HDAC9: variants seen among roughly 807,000 people sequenced by gnomAD.
HDAC9 encodes the protein histone deacetylase 9.
Under a neutral mutation model 139.4 loss-of-function variants are expected in HDAC9, and 41 were observed. The ratio of observed to expected loss-of-function variants is 0.29; its 90% confidence interval spans 0.23 to 0.38. The LOEUF (loss-of-function observed/expected upper bound fraction) is 0.38. Ranked by LOEUF, HDAC9 falls within the 10% of genes least tolerant of loss-of-function variation. HDAC9 has a pLI of 1.00. For missense variants in HDAC9, 1,147 were observed against 1,297.0 expected, an observed-to-expected ratio of 0.88 and a Z score of 1.78; for synonymous variants, 517 against 476.2, an observed-to-expected ratio of 1.09 and a Z score of -1.12.
chr7:18,507,407 A>G (rs1203198134), intron 2 of HDAC9, among the ~76,000 whole-genome samples: 1 of 151,344 alleles, frequency 6.6e-6, no homozygotes, highest in African/African-American at 2.4e-5. Flanking sequence ...GTTAGACAGG[A>G]TGGTCTAGAT....
At chr7:18,560,646 A>T (rs920941890) in intron 2 of HDAC9, among the ~76,000 whole-genome samples, 1 of 152,152 alleles carries the variant, frequency 6.6e-6, no homozygotes, top group African/African-American at 2.4e-5. Flanking sequence ...CAGCACAGTG[A>T]TTGGCACCTA....
At chr7:18,780,038 C>A (rs899570631) in intron 16 of HDAC9, among the ~76,000 whole-genome samples, 2 of 151,998 alleles carry the variant, frequency 1.3e-5, no homozygotes, top group African/African-American at 4.8e-5. Context: ...TTTTTCAACT[C>A]TAAAGTGCAG....
intron 22 of HDAC9, among the ~76,000 whole-genome samples, chr7:18,916,317 A>T (rs759588658): frequency 9.9e-5 from 15 of 152,052 alleles, no homozygotes; most frequent in Non-Finnish European, 1.9e-4. Flanking sequence ...CTAATGTAGA[A>T]TCATAAATGC....
At chr7:18,374,387 A>T (rs1031189797) in intron 1 of HDAC9, among the ~76,000 whole-genome samples, 1 of 152,026 alleles carries the variant, frequency 6.6e-6, no homozygotes, top group Non-Finnish European at 1.5e-5. Flanking sequence ...TTGTGTGAAC[A>T]TCTTAGAGAG....
At chr7:18,142,831 GCCT>G (rs996799519) in intron 1 of HDAC9, among the ~76,000 whole-genome samples, 3 of 152,126 alleles carry the variant, frequency 2.0e-5, no homozygotes, top group African/African-American at 7.2e-5. Flanking sequence ...CACAACTTCT[GCCT>G]CCTCCTCTCC....
chr7:18,828,459 G>C (rs1188476658), intron 17 of HDAC9, among the ~76,000 whole-genome samples: 1 of 152,124 alleles, frequency 6.6e-6, no homozygotes, highest in Non-Finnish European at 1.5e-5. Flanking sequence ...GGAGGTTAAG[G>C]CATTTCTTGA....
At chr7:18,183,371 A>G (rs138806423) in intron 2 of HDAC9, among the ~76,000 whole-genome samples, 38 of 152,264 alleles carry the variant, frequency 2.5e-4, no homozygotes, top group Non-Finnish European at 5.0e-4. Context: ...CAATCCCTCA[A>G]TCGTGAATTT....
At chr7:18,168,262 G>T (rs1472199279) in intron 2 of HDAC9, among the ~76,000 whole-genome samples, 1 of 152,132 alleles carries the variant, frequency 6.6e-6, no homozygotes, top group Non-Finnish European at 1.5e-5. Flanking sequence ...TCTTATGTTT[G>T]TTCTTTATTG....
intron 19 of HDAC9, among the ~76,000 whole-genome samples, chr7:18,833,945 A>C (rs1469521293): frequency 6.6e-6 from 1 of 152,166 alleles, no homozygotes; most frequent in East Asian, 1.9e-4. Context: ...CTGACAACCC[A>C]CCTCACAGGT....
intron 2 of HDAC9, among the ~76,000 whole-genome samples, chr7:18,266,250 A>G (rs1481181627): frequency 1.3e-5 from 2 of 152,164 alleles, no homozygotes; most frequent in Non-Finnish European, 2.9e-5. Context: ...CCAACGCACA[A>G]TTTCAAAAAT....
chr7:18,124,515 A>G (rs1784539174), intron 1 of HDAC9, among the ~76,000 whole-genome samples: 2 of 152,176 alleles, frequency 1.3e-5, no homozygotes. Flanking sequence ...GAACCTTCCA[A>G]AGTTCTTCCC....
intron 2 of HDAC9, among the ~76,000 whole-genome samples, chr7:18,205,898 T>C (rs1791475248): frequency 6.6e-6 from 1 of 152,144 alleles, no homozygotes; most frequent in Non-Finnish European, 1.5e-5. Context: ...TCGGAGCCCA[T>C]ACTTTTTTAT....
At chr7:18,507,193 A>T (rs2128174315) in intron 2 of HDAC9, among the ~76,000 whole-genome samples, 1 of 148,560 alleles carries the variant, frequency 6.7e-6, no homozygotes, top group East Asian at 2.0e-4. Context: ...TATTATTATT[A>T]TTATTATTAC....
At chr7:18,906,784 A>C (rs895101657) in intron 22 of HDAC9, among the ~76,000 whole-genome samples, 1 of 152,190 alleles carries the variant, frequency 6.6e-6, no homozygotes. Context: ...AGAGATTACA[A>C]TCCACCTGTT....
At chr7:18,789,595 C>T (rs1792128607) in intron 16 of HDAC9, among the ~76,000 whole-genome samples, 1 of 152,094 alleles carries the variant, frequency 6.6e-6, no homozygotes, top group South Asian at 2.1e-4. Context: ...ATTTCCAGAG[C>T]CAACTTTATG....
At chr7:18,811,217 C>T (rs1386224572) in intron 17 of HDAC9, among the ~76,000 whole-genome samples, 4 of 151,236 alleles carry the variant, frequency 2.6e-5, no homozygotes, top group South Asian at 4.2e-4. Context: ...TGTTAATATT[C>T]GTTACTTTTT....
chr7:18,640,313 G>A (rs1304489504), intron 8 of HDAC9, among the ~76,000 whole-genome samples: 4 of 123,816 alleles, frequency 3.2e-5, no homozygotes, highest in South Asian at 5.2e-4. Flanking sequence ...GGCCTTGATC[G>A]CACCACTGCA....
chr7:18,171,806 G>T (rs917873307), intron 2 of HDAC9, among the ~76,000 whole-genome samples: 1 of 152,112 alleles, frequency 6.6e-6, no homozygotes, highest in Non-Finnish European at 1.5e-5. Context: ...CAACTTGTTC[G>T]TGGTGGATAA....
intron 12 of HDAC9, among the ~76,000 whole-genome samples, chr7:18,708,642 A>G (rs1370924563): frequency 6.6e-6 from 1 of 152,198 alleles, no homozygotes; most frequent in Non-Finnish European, 1.5e-5. Context: ...TACAAGTCCC[A>G]GTATTGGGAG....
Sources: allele counts gnomAD v4.1 joint callset (sites outside exome capture counted in the v4.1 genomes callset), GRCh38; gene constraint gnomAD v4.1.1; transcripts MANE v1.5; gene names NCBI Gene and HGNC (gene_info 2026-07-23, HGNC 2026-07-21).